Variants in BEND4 observed in about 807,000 individuals in gnomAD.
The protein encoded by BEND4 is BEN domain containing 4.
Under a neutral mutation model 54.7 loss-of-function variants are expected in BEND4, and 27 were observed. The observed-to-expected ratio is 0.49, with a 90% CI of 0.36 to 0.68. The LOEUF is 0.68. Ranked by LOEUF, BEND4 falls within the 30% of genes least tolerant of loss-of-function variation. The pLI, the probability that BEND4 is intolerant of heterozygous loss-of-function variation, is 0.00. For synonymous variants in BEND4, 327 were observed against 299.5 expected, an observed-to-expected ratio of 1.09 and a Z score of -0.95; for missense variants, 702 against 697.2, an observed-to-expected ratio of 1.01 and a Z score of -0.08.
In BEND4 at chr4:42,151,710, G is replaced by A. The variant is rs1287074178; in HGVS notation, c.434C>T (p.Ala145Val). The change falls in exon 2 of 6, where the codon GCC becomes GTC. Residue 145 changes from alanine to valine, a missense_variant. Transcript: ENST00000502486. ...VVRYGPGAAA[A>V]AGTGGTGSDS... is the part of the protein sequence containing the mutation. ...GCTACCCGTGCCGCCGGTGCCGGCG[G>A]CCGCCGCCGCGCCTGGGCCATACCT... is the stretch of plus-strand genomic sequence containing the variant. The A allele has an allele frequency of 1.3e-6, 2 of 1,485,880 alleles. No individual in the cohort carries two copies. The highest frequency in any genetic ancestry group is 2.5e-5 in the South Asian group (2 of 80,422). 92.0% of individuals were successfully genotyped at this position (1,485,880 alleles called of 1,614,324 possible). A position where few individuals can be genotyped will look rare whatever the true frequency, so the allele number is the denominator to read the frequency against.
chr4:42,129,485 A>C (rs999784664), intron 3 of BEND4, among the ~76,000 whole-genome samples: 1 of 152,234 alleles, frequency 6.6e-6, no homozygotes, highest in Non-Finnish European at 1.5e-5. Flanking sequence ...CTAAGCAAAA[A>C]GAACACAACT....
chr4:42,117,934 TA>T (rs5857832), intron 5 of BEND4, among the ~76,000 whole-genome samples, 199 bp from the exon 6 acceptor site: 73,100 of 148,630 alleles, frequency 0.49, 21,857 homozygotes, highest in African/African-American at 0.85. Flanking sequence ...TGTGCAAAAG[TA>T]AAAAAAAAAA....
At chr4:42,144,549 A>G (rs1222720925) in intron 2 of BEND4, among the ~76,000 whole-genome samples, 2 of 152,262 alleles carry the variant, frequency 1.3e-5, no homozygotes, top group Non-Finnish European at 2.9e-5. Context: ...GAGTAGGCCT[A>G]TGGGCACAGG....
intron 4 of BEND4, among the ~76,000 whole-genome samples, chr4:42,124,426 A>T (rs1720191751): frequency 6.6e-6 from 1 of 152,240 alleles, no homozygotes; most frequent in Non-Finnish European, 1.5e-5. Context: ...AAAAAGACAA[A>T]GCATGAACTC....
chr4:42,113,512 G>A lies in BEND4; in HGVS notation c.*4006C>T, dbSNP rs912812162. 2 of 152,202 alleles carry A rather than the reference G, an allele frequency of 1.3e-5. No individual in the cohort carries two copies. The highest frequency in any genetic ancestry group is 4.8e-5 in the African/African-American group (2 of 41,450). The allele number at this position is 152,202 out of a possible 1,614,324, so 9.4% of individuals were successfully genotyped here. Reference sequence around the variant, plus strand: ...AACAGAAGGGAGGCAACAAGCCATTGAGAGCGGCAGGGGAATGTAGGAATC... The same window carrying A: ...AACAGAAGGGAGGCAACAAGCCATTAAGAGCGGCAGGGGAATGTAGGAATC... On this transcript the variant is annotated 3_prime_UTR_variant, in exon 6 of 6. Transcript: ENST00000502486.
chr4:42,152,153 C>G lies in BEND4; in HGVS notation c.-10G>C. The G allele has an allele frequency of 3.2e-6, 4 of 1,241,526 alleles. No individual in the cohort carries two copies. The highest frequency in any genetic ancestry group is 4.1e-6 in the Non-Finnish European group (4 of 984,676). The allele number at this position is 1,241,526 out of a possible 1,614,324, so 76.9% of individuals were successfully genotyped here. A position where few individuals can be genotyped will look rare whatever the true frequency, so the allele number is the denominator to read the frequency against. Reference sequence around the variant, plus strand: ...GCATCTCTTCCTCCATCCGGCGCCTCGGGGCCGGTCCCTCGGAGCACGTCC... The same window carrying G: ...GCATCTCTTCCTCCATCCGGCGCCTGGGGGCCGGTCCCTCGGAGCACGTCC... On this transcript the variant is annotated 5_prime_UTR_variant, in exon 2 of 6. Transcript: ENST00000502486.
chr4:42,146,607 T>C (rs937673951), intron 2 of BEND4, among the ~76,000 whole-genome samples: 4 of 152,236 alleles, frequency 2.6e-5, no homozygotes, highest in African/African-American at 9.6e-5. Context: ...TCCTGGTTTC[T>C]GTTCTTTTAT....
intron 3 of BEND4, among the ~76,000 whole-genome samples, chr4:42,127,425 A>T (rs1720328213): frequency 1.3e-5 from 2 of 152,246 alleles, no homozygotes; most frequent in Admixed American, 6.5e-5. Context: ...AAAGTTCAAT[A>T]AACCTGTCAA....
chr4:42,117,979 A>C (rs1719912648), intron 5 of BEND4, among the ~76,000 whole-genome samples: 1 of 152,166 alleles, frequency 6.6e-6, no homozygotes, highest in Non-Finnish European at 1.5e-5. Context: ...CCCTCTAAGG[A>C]ACATTTGCTG....
chr4:42,125,749 T>C, intron 3 of BEND4, 75 bp from the exon 4 acceptor site: 1 of 1,049,108 alleles, frequency 9.5e-7, no homozygotes, highest in Non-Finnish European at 1.4e-6. Context: ...TTTAAAGTTT[T>C]TTTTTTTTTA....
At position 42,116,892 on chromosome 4, in the gene BEND4, C is replaced by T. The variant is rs1719859759; in HGVS notation, c.*626G>A. 1 of 152,172 alleles carries T rather than the reference C, an allele frequency of 6.6e-6. No homozygotes were observed. Among genetic ancestry groups the T allele is most frequent in the Admixed American group, 6.5e-5 (1 of 15,270 alleles). The allele number at this position is 152,172 out of a possible 1,614,324, so 9.4% of individuals were successfully genotyped here. A position where few individuals can be genotyped will look rare whatever the true frequency, so the allele number is the denominator to read the frequency against. On this transcript the variant is annotated 3_prime_UTR_variant, in exon 6 of 6. Coordinates refer to ENST00000502486, the MANE Select transcript of BEND4 (RefSeq NM_207406.4). ...AACTCCAGAGATCAAATAGTGCCTT[C>T]TTGATCAACACAGTGGTTTTTAAAC... is the stretch of plus-strand genomic sequence containing the variant.
intron 3 of BEND4, among the ~76,000 whole-genome samples, chr4:42,138,747 T>C (rs1047655609): frequency 2.0e-5 from 3 of 152,208 alleles, no homozygotes; most frequent in Admixed American, 6.5e-5. Context: ...CTCCCTATAT[T>C]TGACACTTAG....
intron 4 of BEND4, 23 bp from the exon 5 acceptor site, chr4:42,120,317 CATT>C (rs1280080195): frequency 1.3e-6 from 2 of 1,588,712 alleles, no homozygotes; most frequent in Non-Finnish European, 1.7e-6. Context: ...AATATTTTCT[CATT>C]ACCCACCGAG....
rs1720976102 is a variant in BEND4, at chr4:42,143,757, G to A, written c.725C>T (p.Thr242Ile). The change falls in exon 3 of 6, where the codon ACT becomes ATT. Residue 242 changes from threonine to isoleucine, a missense_variant. Transcript: ENST00000502486. ...AGTGAAAACCCTCAAAAAGGCAGAA[G>A]TTTGTTGTTTCCTTTGCATATACTG... Reference protein sequence around the residue: ...EMQYMQRKQQTSAFLRVFTDS... With the variant: ...EMQYMQRKQQISAFLRVFTDS... 1 of 1,613,954 alleles carries A rather than the reference G, an allele frequency of 6.2e-7. No individual in the cohort carries two copies. The highest frequency in any genetic ancestry group is 1.3e-5 in the African/African-American group (1 of 75,064).
intron 4 of BEND4, among the ~76,000 whole-genome samples, chr4:42,123,275 TGA>T (rs1720133360): frequency 6.6e-6 from 1 of 152,180 alleles, no homozygotes; most frequent in Non-Finnish European, 1.5e-5. Context: ...ATAATGATGA[TGA>T]GTCATAAAGT....
intron 4 of BEND4, among the ~76,000 whole-genome samples, chr4:42,124,833 G>A (rs1004066367): frequency 6.6e-6 from 1 of 152,202 alleles, no homozygotes; most frequent in Middle Eastern, 3.2e-3. Context: ...GAAGCAAGAT[G>A]TGCTGTAGTG....
intron 4 of BEND4, among the ~76,000 whole-genome samples, chr4:42,123,702 A>AAACAAAAAAACAAAAAC (rs1553921983): frequency 6.9e-6 from 1 of 144,566 alleles, no homozygotes; most frequent in African/African-American, 2.6e-5. Context: ...CAGAAAAAAA[A>AAACAAAAAAACAAAAAC]AAAAAAAAAA....
At chr4:42,140,355 T>C (rs914770568) in intron 3 of BEND4, among the ~76,000 whole-genome samples, 1 of 152,220 alleles carries the variant, frequency 6.6e-6, no homozygotes, top group African/African-American at 2.4e-5. Flanking sequence ...ATTTTTACAA[T>C]GCATAATTAA....
Position 42,117,339 on chromosome 4 carries a change from T to C in BEND4, c.*179A>G, listed in dbSNP as rs767511894. On this transcript the variant is annotated 3_prime_UTR_variant, in exon 6 of 6. Coordinates refer to ENST00000502486, the MANE Select transcript of BEND4 (RefSeq NM_207406.4). ...AATATAATATTCCAAAAGTCTGTTG[T>C]AGGTGCCACAGACTTCCCAAACAAC... The C allele has an allele frequency of 1.8e-6, 1 of 561,240 alleles. No individual in the cohort carries two copies. Among genetic ancestry groups the C allele is most frequent in the Non-Finnish European group, 3.1e-6 (1 of 318,058 alleles). The allele number at this position is 561,240 out of a possible 1,614,324, so 34.8% of individuals were successfully genotyped here. A position where few individuals can be genotyped will look rare whatever the true frequency, so the allele number is the denominator to read the frequency against.
Sources: gnomAD v4.1 joint callset for allele counts (sites outside exome capture counted in the v4.1 genomes callset) on GRCh38, gnomAD v4.1.1 for gene constraint, MANE v1.5 for transcripts, NCBI Gene and HGNC (gene_info 2026-07-23, HGNC 2026-07-21) for gene names.